TBC1D19: variants seen among roughly 807,000 people sequenced by gnomAD.
The protein encoded by TBC1D19 is TBC1 domain family member 19, also known as TBC1 domain family, member 19.
TBC1D19 carries 60 observed loss-of-function variants against 89.0 expected under a neutral mutation model. That is an observed-to-expected ratio of 0.67 (90% CI 0.55 to 0.84). The LOEUF (loss-of-function observed/expected upper bound fraction) is 0.84. Ranked by LOEUF, TBC1D19 falls within the 40% of genes least tolerant of loss-of-function variation. The probability of loss-of-function intolerance (pLI) is 0.00; values close to 1 mark genes in which losing one functional copy is unlikely to be tolerated. For missense variants in TBC1D19, 500 were observed against 610.8 expected (o/e 0.82, Z 1.91); for synonymous variants, 189 against 199.7 (o/e 0.95, Z 0.45).
intron 7 of TBC1D19, among the ~76,000 whole-genome samples, chr4:26,650,466 A>G (rs999852358): frequency 3.3e-5 from 5 of 152,190 alleles, no homozygotes; most frequent in African/African-American, 1.2e-4. Context: ...ATGGCCAGTG[A>G]TGATGAGCAT....
At chr4:26,679,591 C>T (rs1713152241) in intron 11 of TBC1D19, among the ~76,000 whole-genome samples, 1 of 152,186 alleles carries the variant, frequency 6.6e-6, no homozygotes, top group Admixed American at 6.5e-5. Context: ...TGGGGCACTG[C>T]CTACTGGAGC....
At chr4:26,812,055 C>G in the TBC1D19 span, among the ~76,000 whole-genome samples, 1 of 152,178 alleles carries the variant, frequency 6.6e-6, no homozygotes. The surrounding 1 kb of genome is among the most constrained non-coding windows in gnomAD (Gnocchi z 4.2). Flanking sequence ...TCAAATGCCT[C>G]TAATGCTTCA....
intron 11 of TBC1D19, among the ~76,000 whole-genome samples, chr4:26,677,496 A>G (rs1034043653): frequency 2.0e-5 from 3 of 150,880 alleles, no homozygotes; most frequent in African/African-American, 4.9e-5. Context: ...TTTTTTTTGT[A>G]TTTTTCAGTA....
the TBC1D19 span, among the ~76,000 whole-genome samples, chr4:26,827,701 T>C: frequency 7.0e-6 from 1 of 142,978 alleles, no homozygotes; most frequent in African/African-American, 2.6e-5. Flanking sequence ...AGCTTTCTTT[T>C]TTTGTTTTTT....
chr4:26,735,297 C>T (rs145668926), intron 15 of TBC1D19, among the ~76,000 whole-genome samples, 158 bp from the exon 16 acceptor site: 1 of 151,968 alleles, frequency 6.6e-6, no homozygotes, highest in East Asian at 1.9e-4. Flanking sequence ...TTAAAAATAT[C>T]TCTTTATTGT....
chr4:26,797,543 A>G, the TBC1D19 span, among the ~76,000 whole-genome samples: 3 of 152,188 alleles, frequency 2.0e-5, no homozygotes, highest in African/African-American at 7.2e-5. Context: ...GAAGAAAACA[A>G]TCCTAAAGTT....
chr4:26,698,514 T>A (rs1306310304), intron 13 of TBC1D19, among the ~76,000 whole-genome samples: 1 of 152,110 alleles, frequency 6.6e-6, no homozygotes, highest in Non-Finnish European at 1.5e-5. Context: ...AAAAACTACT[T>A]TAAAGTTCAT....
At chr4:26,650,712 G>A (rs1471473503) in intron 7 of TBC1D19, among the ~76,000 whole-genome samples, 2 of 152,078 alleles carry the variant, frequency 1.3e-5, no homozygotes, top group East Asian at 1.9e-4. Context: ...AAGCTCTTTT[G>A]TTTAATTAGA....
At chr4:26,700,287 G>A (rs1351324730) in intron 13 of TBC1D19, among the ~76,000 whole-genome samples, 1 of 152,092 alleles carries the variant, frequency 6.6e-6, no homozygotes, top group Non-Finnish European at 1.5e-5. Flanking sequence ...CTGAAAGTAG[G>A]ATAACCACAG....
At chr4:26,646,328 A>C (rs1209714167) in intron 7 of TBC1D19, among the ~76,000 whole-genome samples, 1 of 152,162 alleles carries the variant, frequency 6.6e-6, no homozygotes, top group Non-Finnish European at 1.5e-5. Context: ...GGTGCTGGAG[A>C]GGATGTGGAG....
At chr4:26,577,469 C>T (rs528564255) in intron 1 of TBC1D19, among the ~76,000 whole-genome samples, 6 of 152,332 alleles carry the variant, frequency 3.9e-5, no homozygotes, top group Admixed American at 3.9e-4. Context: ...GCCAAACAGT[C>T]CCCTCCTGGG....
At chr4:26,849,925 T>C in the TBC1D19 span, among the ~76,000 whole-genome samples, 1 of 152,202 alleles carries the variant, frequency 6.6e-6, no homozygotes, top group African/African-American at 2.4e-5. Flanking sequence ...TTTTAGGGAT[T>C]GTACTTAGAT....
At chr4:26,857,988 C>T in the TBC1D19 span, 6,910 of 152,316 alleles carry the variant, frequency 0.045, 228 homozygotes, top group Middle Eastern at 0.082. Flanking sequence ...TTAGAATGCA[C>T]GCCCAGAGCC....
intron 13 of TBC1D19, among the ~76,000 whole-genome samples, chr4:26,688,741 T>G (rs570833107): frequency 2.6e-5 from 4 of 152,190 alleles, no homozygotes; most frequent in Admixed American, 2.6e-4. Flanking sequence ...GAGAAAGCAT[T>G]TTGCATTATA....
chr4:26,797,040 G>A, the TBC1D19 span, among the ~76,000 whole-genome samples: 1 of 152,048 alleles, frequency 6.6e-6, no homozygotes, highest in Admixed American at 6.6e-5. Context: ...AGAGCAATCA[G>A]GCAAGAGAAA....
chr4:26,592,363 C>A (rs1480018029), intron 1 of TBC1D19, among the ~76,000 whole-genome samples: 3 of 152,158 alleles, frequency 2.0e-5, no homozygotes, highest in African/African-American at 7.2e-5. Flanking sequence ...CTGTTTACGA[C>A]AAACCCACAG....
chr4:26,600,973 G>A (rs1740554539), intron 1 of TBC1D19, among the ~76,000 whole-genome samples: 4 of 152,184 alleles, frequency 2.6e-5, no homozygotes, highest in Non-Finnish European at 2.9e-5. Context: ...CCTCTCATCT[G>A]TGGTAGGTTG....
chr4:26,645,268 C>T (rs1344004736), intron 7 of TBC1D19, among the ~76,000 whole-genome samples: 2 of 152,152 alleles, frequency 1.3e-5, no homozygotes, highest in Non-Finnish European at 2.9e-5. Flanking sequence ...TACAAGGCTA[C>T]AGTAACCAAA....
At chr4:26,604,650 C>T (rs910567078) in intron 1 of TBC1D19, among the ~76,000 whole-genome samples, 3 of 150,500 alleles carry the variant, frequency 2.0e-5, no homozygotes, top group Admixed American at 1.3e-4. Context: ...CCAAGGTGGG[C>T]GGATCACGAG....
Sources: allele counts gnomAD v4.1 joint callset (sites outside exome capture counted in the v4.1 genomes callset), GRCh38; gene constraint gnomAD v4.1.1; non-coding constraint Gnocchi (gnomAD v3.1); transcripts MANE v1.5; gene names NCBI Gene and HGNC (gene_info 2026-07-23, HGNC 2026-07-21).